GALR2: variants seen among roughly 807,000 people sequenced by gnomAD.
The protein encoded by GALR2 is galanin receptor 2.
A neutral mutation model predicts 7.2 loss-of-function variants in GALR2; 5 were observed. That is an observed-to-expected ratio of 0.69 (90% CI 0.36 to 1.45). GALR2 has a LOEUF of 1.45. Ranked by LOEUF, GALR2 falls within the 40% of genes most tolerant of loss-of-function variation. The probability of loss-of-function intolerance (pLI) is 0.03; values close to 1 mark genes in which losing one functional copy is unlikely to be tolerated. For synonymous variants in GALR2, 300 were observed against 263.9 expected (o/e 1.14, Z -1.32); for missense variants, 561 against 555.7 (o/e 1.01, Z -0.10).
In GALR2 at chr17:76,075,145, C is replaced by A; in HGVS notation, c.262C>A (p.Leu88Met). The A allele has an allele frequency of 6.2e-7, 1 of 1,612,692 alleles. No individual in the cohort carries two copies. The highest frequency in any genetic ancestry group is 2.2e-5 in the East Asian group (1 of 44,874). The part of the protein sequence containing the change: ...CVPFQATIYT[L>M]DGWVFGSLLC... Reference sequence around the variant, plus strand: ...GCCCTTCCAGGCCACCATCTACACCCTGGACGGCTGGGTGTTCGGCTCGCT... The same window carrying A: ...GCCCTTCCAGGCCACCATCTACACCATGGACGGCTGGGTGTTCGGCTCGCT... Residue 88 changes from leucine to methionine, a missense_variant, in exon 1 of 2, where the codon CTG (leucine) becomes ATG (methionine). Transcript: ENST00000329003. This position sits in a 1 kb window ranked among gnomAD's most constrained non-coding sequence, Gnocchi z 5.9.
upstream of GALR2, among the ~76,000 whole-genome samples, chr17:76,073,743 C>T (rs1263441769): frequency 2.0e-5 from 3 of 151,602 alleles, no homozygotes; most frequent in Non-Finnish European, 4.4e-5. Flanking sequence ...TTACCATTTC[C>T]TTGTTACAGC....
upstream of GALR2, among the ~76,000 whole-genome samples, chr17:76,074,389 C>T (rs538509246): frequency 2.6e-5 from 4 of 152,356 alleles, no homozygotes; most frequent in African/African-American, 9.6e-5. The surrounding 1 kb of genome is among the most constrained non-coding windows in gnomAD (Gnocchi z 6.7). Context: ...ACCCCAGCCC[C>T]TCGACGGTCC....
Position 76,074,828 on chromosome 17 carries a change from C to G in GALR2, c.-56C>G. ...CGGCCGCAGCCCCGGGAGCTTCCCG[C>G]TCGCGGAGACCCAGACGGCTGCAGG... is the stretch of plus-strand genomic sequence containing the variant. On this transcript the variant is annotated 5_prime_UTR_variant, in exon 1 of 2. Transcript: ENST00000329003. The surrounding 1 kb of genome is among the most constrained non-coding windows in gnomAD (Gnocchi z 6.7). 7.0e-7 allele frequency: 1 copy of G among 1,438,180 alleles called. No individual in the cohort carries two copies. Among genetic ancestry groups the G allele is most frequent in the Non-Finnish European group, 9.1e-7 (1 of 1,102,182 alleles). The allele number at this position is 1,438,180 out of a possible 1,614,324, so 89.1% of individuals were successfully genotyped here.
chr17:76,076,896 C>G lies in GALR2; in HGVS notation c.629C>G (p.Thr210Ser), dbSNP rs779882133. Residue 210 changes from threonine (T) to serine (S), a missense_variant, in exon 2 of 2, where the codon ACC (threonine) becomes AGC (serine). Thr to Ser is a moderately conservative substitution (Grantham distance 58). Transcript: ENST00000329003. The surrounding 1 kb of genome is among the most constrained non-coding windows in gnomAD (Gnocchi z 6.5). ...GTTCTCGGCCTGACCTACGCGCGCA[C>G]CTTGCGCTACCTCTGGCGCGCCGTC... The part of the protein sequence containing the change: ...VLVLGLTYAR[T>S]LRYLWRAVDP... 6.2e-7 allele frequency: 1 copy of G among 1,602,774 alleles called. No homozygotes were observed. The highest frequency in any genetic ancestry group is 8.5e-7 in the Non-Finnish European group (1 of 1,178,878).
At position 76,077,439 on chromosome 17, in the gene GALR2, T is replaced by A. The variant is rs766032684; in HGVS notation, c.*8T>A. 8 of 1,443,106 alleles carry A rather than the reference T, an allele frequency of 5.5e-6. No homozygotes were observed. In the African/African-American group the frequency reaches 5.7e-5, roughly 10 times the overall value. 89.4% of individuals were successfully genotyped at this position (1,443,106 alleles called of 1,614,324 possible). ...ACGGTTGATGTGGCCTGAAAGCACT[T>A]AGCGGGCGCGCTGGGATGTCACAGA... On this transcript the variant is annotated 3_prime_UTR_variant, in exon 2 of 2. Coordinates refer to ENST00000329003, the MANE Select transcript of GALR2 (RefSeq NM_003857.4).
chr17:76,072,666 C>T (rs1490904664), upstream of GALR2: 15 of 1,311,512 alleles, frequency 1.1e-5, 1 homozygote, highest in Non-Finnish European at 1.5e-5. This position sits in a 1 kb window ranked among gnomAD's most constrained non-coding sequence, Gnocchi z 4.5. Flanking sequence ...ATCCTGTCAT[C>T]CCGGGTCCGG....
chr17:76,077,090 A>G lies in GALR2; in HGVS notation c.823A>G (p.Ile275Val). The G allele has an allele frequency of 6.2e-7, 1 of 1,613,062 alleles. No individual in the cohort carries two copies. The highest frequency in any genetic ancestry group is 8.5e-7 in the Non-Finnish European group (1 of 1,179,902). The change falls in exon 2 of 2, where the codon ATC becomes GTC. Residue 275 changes from isoleucine (I) to valine (V), a missense_variant. Transcript: ENST00000329003. ...PLTRATYALRILSHLVSYANS... is the reference protein window; with the variant it reads ...PLTRATYALRVLSHLVSYANS... ...CACGCGCGCCACTTATGCGCTTCGC[A>G]TCCTCTCGCACCTGGTCTCCTACGC...
At position 76,076,897 on chromosome 17, in the gene GALR2, C is replaced by T. The variant is rs1598276040; in HGVS notation, c.630C>T (p.Thr210=). The change falls in exon 2 of 2, where the codon ACC becomes ACT. Residue 210 remains threonine (T), a synonymous_variant. Coordinates refer to ENST00000329003, the MANE Select transcript of GALR2 (RefSeq NM_003857.4). The surrounding 1 kb of genome is among the most constrained non-coding windows in gnomAD (Gnocchi z 6.5). ...VLVLGLTYAR[T]LRYLWRAVDP... ...TTCTCGGCCTGACCTACGCGCGCACCTTGCGCTACCTCTGGCGCGCCGTCG... is the reference window on the plus strand; with the variant it reads ...TTCTCGGCCTGACCTACGCGCGCACTTTGCGCTACCTCTGGCGCGCCGTCG... 6.2e-7 allele frequency: 1 copy of T among 1,602,806 alleles called. No individual in the cohort carries two copies. Among genetic ancestry groups the T allele is most frequent in the Non-Finnish European group, 8.5e-7 (1 of 1,178,880 alleles).
At chr17:76,074,456 G>A (rs1390351881), upstream of GALR2, among the ~76,000 whole-genome samples, 2 of 152,228 alleles carry the variant, frequency 1.3e-5, no homozygotes, top group Non-Finnish European at 1.5e-5. This position sits in a 1 kb window ranked among gnomAD's most constrained non-coding sequence, Gnocchi z 6.7. Flanking sequence ...CGCGGAGTGC[G>A]AGGTCCGTGC....
rs769805828 is a variant in GALR2 at position 76,075,484 on chromosome 17, C to T, written c.368+233C>T. Among the ~76,000 whole-genome samples, 1 of 152,252 alleles carries T rather than the reference C, an allele frequency of 6.6e-6. No homozygotes were observed. The highest frequency in any genetic ancestry group is 2.1e-4 in the South Asian group (1 of 4,836). On this transcript the variant is annotated intron_variant, in intron 1 of 1. Coordinates refer to ENST00000329003, the MANE Select transcript of GALR2 (RefSeq NM_003857.4). The surrounding 1 kb of genome is among the most constrained non-coding windows in gnomAD (Gnocchi z 5.9). Reference sequence around the variant, plus strand: ...GCCTGGAGAATGTGGCTCTCCAGCGCCGCCCGTGCCTGACAACGCGCAGCG... The same window carrying T: ...GCCTGGAGAATGTGGCTCTCCAGCGTCGCCCGTGCCTGACAACGCGCAGCG...
chr17:76,075,903 G>A lies in GALR2; in HGVS notation c.368+652G>A, dbSNP rs144721297. Reference sequence around the variant, plus strand: ...AATCCAAAACAAGTCGGGGCCGGGAGAGGAGCGTGCCCTGGGGTTCTTCCT... The same window carrying A: ...AATCCAAAACAAGTCGGGGCCGGGAAAGGAGCGTGCCCTGGGGTTCTTCCT... On this transcript the variant is annotated intron_variant, in intron 1 of 1. Coordinates refer to ENST00000329003, the MANE Select transcript of GALR2 (RefSeq NM_003857.4). This position sits in a 1 kb window ranked among gnomAD's most constrained non-coding sequence, Gnocchi z 5.9. 2.0e-5 allele frequency among the ~76,000 whole-genome samples: 3 copies of A among 152,358 alleles called. No individual in the cohort carries two copies. Among genetic ancestry groups the A allele is most frequent in the African/African-American group, 7.2e-5 (3 of 41,576 alleles).
chr17:76,074,856 C>A lies in GALR2; in HGVS notation c.-28C>A. On this transcript the variant is annotated 5_prime_UTR_variant, in exon 1 of 2. Coordinates refer to ENST00000329003, the MANE Select transcript of GALR2 (RefSeq NM_003857.4). This position sits in a 1 kb window ranked among gnomAD's most constrained non-coding sequence, Gnocchi z 6.7. ...GCGGAGACCCAGACGGCTGCAGGAG[C>A]CCGGGCAGCCTCGGGGTCAGCGGCA... 6.8e-7 allele frequency: 1 copy of A among 1,470,060 alleles called. No homozygotes were observed. 91.1% of individuals were successfully genotyped at this position (1,470,060 alleles called of 1,614,324 possible). A position where few individuals can be genotyped will look rare whatever the true frequency, so the allele number is the denominator to read the frequency against.
upstream of GALR2, chr17:76,072,149 C>G (rs1236338429): frequency 8.1e-7 from 1 of 1,230,488 alleles, no homozygotes; most frequent in African/African-American, 2.5e-5. This position sits in a 1 kb window ranked among gnomAD's most constrained non-coding sequence, Gnocchi z 4.5. Context: ...GAGAGACAGA[C>G]CCCCCCCGGA....
chr17:76,075,095 A>G lies in GALR2; in HGVS notation c.212A>G (p.Asp71Gly). 6.2e-7 allele frequency: 1 copy of G among 1,612,142 alleles called. No individual in the cohort carries two copies. Among genetic ancestry groups the G allele is most frequent in the Non-Finnish European group, 8.5e-7 (1 of 1,179,956 alleles). ...NLFILNLGVA[D>G]LCFILCCVPF... is the part of the protein sequence containing the mutation. The stretch of plus-strand genomic sequence containing the variant: ...TTCATCCTTAACCTGGGCGTGGCCG[A>G]CCTGTGTTTCATCCTGTGCTGCGTG... Residue 71 changes from aspartate to glycine, a missense_variant, in exon 1 of 2, where the codon GAC (aspartate) becomes GGC (glycine). Transcript: ENST00000329003. This position sits in a 1 kb window ranked among gnomAD's most constrained non-coding sequence, Gnocchi z 5.9.
rs1330794600 is a variant in GALR2 at position 76,074,934 on chromosome 17, C to G, written c.51C>G (p.Gly17=). The part of the protein sequence containing the change: ...PGAGNASQAG[G]GGGWHPEAVI... ...CCGGGAACGCGAGCCAGGCGGGCGG[C>G]GGGGGAGGCTGGCACCCCGAGGCGG... Residue 17 remains glycine, a synonymous_variant, in exon 1 of 2, where the codon GGC becomes GGG. Transcript: ENST00000329003. The surrounding 1 kb of genome is among the most constrained non-coding windows in gnomAD (Gnocchi z 6.7). The G allele has an allele frequency of 1.3e-6, 2 of 1,558,358 alleles. No individual in the cohort carries two copies. The highest frequency in any genetic ancestry group is 1.7e-6 in the Non-Finnish European group (2 of 1,159,492).
In GALR2 at chr17:76,077,119, C is replaced by G; in HGVS notation, c.852C>G (p.Asn284Lys). 1 of 1,613,064 alleles carries G rather than the reference C, an allele frequency of 6.2e-7. No individual in the cohort carries two copies. Among genetic ancestry groups the G allele is most frequent in the Non-Finnish European group, 8.5e-7 (1 of 1,179,894 alleles). Residue 284 changes from asparagine to lysine, a missense_variant, in exon 2 of 2, where the codon AAC (asparagine) becomes AAG (lysine). Physicochemically the swap from Asn to Lys is moderately conservative, Grantham distance 94. Transcript: ENST00000329003. ...RILSHLVSYANSCVNPIVYAL... is the reference protein window; with the variant it reads ...RILSHLVSYAKSCVNPIVYAL... ...TCTCGCACCTGGTCTCCTACGCCAA[C>G]TCCTGCGTCAACCCCATCGTTTACG... is the stretch of plus-strand genomic sequence containing the variant.
upstream of GALR2, among the ~76,000 whole-genome samples, chr17:76,073,545 C>T (rs1214333101): frequency 4.1e-5 from 5 of 120,496 alleles, no homozygotes; most frequent in African/African-American, 1.3e-4. Context: ...CCGCCCGCCT[C>T]GGCCTCCCAA....
rs751763041 is a variant in GALR2 at position 76,076,657 on chromosome 17, G to T, written c.390G>T (p.Pro130=). 1.9e-6 allele frequency: 3 copies of T among 1,590,580 alleles called. No individual in the cohort carries two copies. The highest frequency in any genetic ancestry group is 4.5e-5 in the East Asian group (2 of 44,620). ...SLDRYLAIRY[P]LHSRELRTPR... ...GCAGGTATCTGGCCATCCGCTACCC[G>T]CTGCACTCCCGCGAGCTGCGCACGC... Residue 130 remains proline (P), a synonymous_variant, in exon 2 of 2, where the codon CCG becomes CCT. Transcript: ENST00000329003. The surrounding 1 kb of genome is among the most constrained non-coding windows in gnomAD (Gnocchi z 6.5).
rs771834810 is a variant in GALR2, at chr17:76,076,709, C to T, written c.442C>T (p.Leu148Phe). ...TPRNALAAIG[L>F]IWGLSLLFSG... ...TCGAAACGCGCTGGCAGCCATCGGG[C>T]TCATCTGGGGGCTGTCGCTGCTCTT... Residue 148 changes from leucine (L) to phenylalanine (F), a missense_variant, in exon 2 of 2, where the codon CTC (leucine) becomes TTC (phenylalanine). By Grantham distance (22) the Leu-to-Phe change is conservative. Transcript: ENST00000329003. The surrounding 1 kb of genome is among the most constrained non-coding windows in gnomAD (Gnocchi z 6.5). 6.2e-7 allele frequency: 1 copy of T among 1,603,580 alleles called. No homozygotes were observed. Among genetic ancestry groups the T allele is most frequent in the South Asian group, 1.1e-5 (1 of 91,058 alleles).
Sources: gnomAD v4.1 joint callset for allele counts (sites outside exome capture counted in the v4.1 genomes callset) on GRCh38, gnomAD v4.1.1 for gene constraint, Gnocchi (gnomAD v3.1) non-coding constraint, MANE v1.5 for transcripts, NCBI Gene and HGNC (gene_info 2026-07-23, HGNC 2026-07-21) for gene names.